Variants in CHRNA4 observed in about 807,000 individuals in gnomAD.
CHRNA4 encodes neuronal acetylcholine receptor subunit alpha-4.
Under a neutral mutation model 48.9 loss-of-function variants are expected in CHRNA4, and 28 were observed. That is an observed-to-expected ratio of 0.57 (90% CI 0.42 to 0.79). The LOEUF (loss-of-function observed/expected upper bound fraction) is 0.79, where lower values mean the gene tolerates loss of function less well. Ranked by LOEUF, CHRNA4 falls within the 30% of genes least tolerant of loss-of-function variation. The pLI, the probability that CHRNA4 is intolerant of heterozygous loss-of-function variation, is 0.00. For synonymous variants in CHRNA4, 425 were observed against 402.3 expected (o/e 1.06, Z -0.68); for missense variants, 859 against 898.4 (o/e 0.96, Z 0.56).
At position 63,349,880 on chromosome 20, in the gene CHRNA4, C is replaced by A. The variant is rs200795334; in HGVS notation, c.1531G>T (p.Ala511Ser). Residue 511 changes from alanine to serine, a missense_variant, in exon 5 of 6, where the codon GCC (alanine) becomes TCC (serine). Physicochemically the swap from Ala to Ser is moderately conservative, Grantham distance 99 (BLOSUM62 1). Coordinates refer to ENST00000370263, the MANE Select transcript of CHRNA4 (RefSeq NM_000744.7). Reference protein sequence around the residue: ...EADGQAAGALASRNTHSAELP... With the variant: ...EADGQAAGALSSRNTHSAELP... ...TCAGCCGAGTGGGTGTTGCGAGAGG[C>A]CAGGGCGCCGGCAGCCTGGCCATCT... 266 of 1,593,532 alleles carry A rather than the reference C, an allele frequency of 1.7e-4. No homozygotes were observed. Among genetic ancestry groups the A allele is most frequent in the Non-Finnish European group, 2.2e-4 (258 of 1,168,510 alleles).
chr20:63,345,099 A>T lies in CHRNA4; in HGVS notation c.*1639T>A. The T allele has an allele frequency of 2.2e-6, 1 of 453,996 alleles. No homozygotes were observed. The highest frequency in any genetic ancestry group is 4.4e-6 in the Non-Finnish European group (1 of 226,736). The allele number at this position is 453,996 out of a possible 1,614,324, so 28.1% of individuals were successfully genotyped here. A position where few individuals can be genotyped will look rare whatever the true frequency, so the allele number is the denominator to read the frequency against. ...CCCACTCACGTCACTGCCCGCGGGGACACAGCGGCATTTCTGGGGCACTCG... is the reference window on the plus strand; with the variant it reads ...CCCACTCACGTCACTGCCCGCGGGGTCACAGCGGCATTTCTGGGGCACTCG... On this transcript the variant is annotated 3_prime_UTR_variant, in exon 6 of 6. Transcript: ENST00000370263. This position sits in a 1 kb window ranked among gnomAD's most constrained non-coding sequence, Gnocchi z 5.4.
chr20:63,349,616 G>T lies in CHRNA4; in HGVS notation c.1758+37C>A. ...AAGGGCGTCCGCCGGTTCCGTCTGG[G>T]TCAGAGGCGCCCAACACAGCCATGG... On this transcript the variant is annotated intron_variant, in intron 5 of 5. Coordinates refer to ENST00000370263, the MANE Select transcript of CHRNA4 (RefSeq NM_000744.7). The T allele has an allele frequency of 6.2e-6, 10 of 1,611,478 alleles. No homozygotes were observed. In the South Asian group the frequency reaches 1.1e-4, roughly 18 times the overall value.
Position 63,350,967 on chromosome 20 carries a change from C to T in CHRNA4, c.444G>A (p.Arg148=), listed in dbSNP as rs746049095. Residue 148 remains arginine (R), a synonymous_variant, in exon 5 of 6, where the codon CGG becomes CGA. Transcript: ENST00000370263. Reference sequence around the variant, plus strand: ...AAATGGCCGGGGGAGTCCACTGCACCCGCCCGTCATGGAACAGGTGGGCCT... The same window carrying T: ...AAATGGCCGGGGGAGTCCACTGCACTCGCCCGTCATGGAACAGGTGGGCCT... ...LTKAHLFHDG[R]VQWTPPAIYK... is the part of the protein sequence containing the mutation. 6.2e-7 allele frequency: 1 copy of T among 1,613,768 alleles called. No individual in the cohort carries two copies. Among genetic ancestry groups the T allele is most frequent in the South Asian group, 1.1e-5 (1 of 91,086 alleles).
At chr20:63,352,220 T>C (rs892743652) in intron 4 of CHRNA4, among the ~76,000 whole-genome samples, 1 of 152,196 alleles carries the variant, frequency 6.6e-6, no homozygotes, top group Non-Finnish European at 1.5e-5. Flanking sequence ...TGGGCAGAGC[T>C]GGCGACTGTT....
At position 63,359,936 on chromosome 20, in the gene CHRNA4, G is replaced by A. The variant is rs551702241; in HGVS notation, c.77-237C>T. 99 of 410,800 alleles carry A rather than the reference G, an allele frequency of 2.4e-4. No homozygotes were observed. The African/African-American group carries it at 2.5e-3, about 10-fold the overall frequency. The allele number at this position is 410,800 out of a possible 1,614,324, so 25.4% of individuals were successfully genotyped here. A position where few individuals can be genotyped will look rare whatever the true frequency, so the allele number is the denominator to read the frequency against. On this transcript the variant is annotated intron_variant, in intron 1 of 5. Coordinates refer to ENST00000370263, the MANE Select transcript of CHRNA4 (RefSeq NM_000744.7). The stretch of plus-strand genomic sequence containing the variant: ...GTGTGTGTGTGTGTGTGTGCCGGGC[G>A]TGGCGTGCGCTGACCTCTCTTGGCC...
Position 63,344,137 on chromosome 20 carries a change from G to A in CHRNA4, c.*2601C>T. 2.2e-6 allele frequency: 1 copy of A among 454,140 alleles called. No homozygotes were observed. Among genetic ancestry groups the A allele is most frequent in the Non-Finnish European group, 4.4e-6 (1 of 226,798 alleles). 28.1% of individuals were successfully genotyped at this position (454,140 alleles called of 1,614,324 possible). A position where few individuals can be genotyped will look rare whatever the true frequency, so the allele number is the denominator to read the frequency against. On this transcript the variant is annotated 3_prime_UTR_variant, in exon 6 of 6. Coordinates refer to ENST00000370263, the MANE Select transcript of CHRNA4 (RefSeq NM_000744.7). The surrounding 1 kb of genome is among the most constrained non-coding windows in gnomAD (Gnocchi z 4.5). ...GCTCACAATTAAAAACGAAGGAACAGACAGCAAGGAGCTACGGACACACAC... is the reference window on the plus strand; with the variant it reads ...GCTCACAATTAAAAACGAAGGAACAAACAGCAAGGAGCTACGGACACACAC...
At chr20:63,347,349 G>A (rs746445166) in intron 5 of CHRNA4, among the ~76,000 whole-genome samples, 77 of 152,328 alleles carry the variant, frequency 5.1e-4, no homozygotes, top group Non-Finnish European at 9.9e-4. Flanking sequence ...CAGCACACAT[G>A]GAGCCCGCAG....
intron 5 of CHRNA4, among the ~76,000 whole-genome samples, chr20:63,349,303 G>A (rs1417212403): frequency 1.3e-5 from 2 of 152,218 alleles, no homozygotes; most frequent in Non-Finnish European, 2.9e-5. Flanking sequence ...TGGGGACTTG[G>A]CCATTGCTGG....
chr20:63,356,291 G>C, intron 3 of CHRNA4, 80 bp downstream of exon 3: 3 of 1,298,564 alleles, frequency 2.3e-6, no homozygotes, highest in Non-Finnish European at 3.2e-6. Context: ...GGCCAGGGTG[G>C]GGCAGGGCCA....
intron 4 of CHRNA4, among the ~76,000 whole-genome samples, chr20:63,351,661 G>C (rs1417297123): frequency 6.6e-6 from 1 of 152,242 alleles, no homozygotes; most frequent in African/African-American, 2.4e-5. Flanking sequence ...GCAAGGACAG[G>C]TGTTCTGGCC....
intron 5 of CHRNA4, 43 bp downstream of exon 5, chr20:63,349,610 G>A (rs777701190): frequency 3.0e-5 from 48 of 1,610,246 alleles, no homozygotes; most frequent in African/African-American, 5.3e-5. Context: ...CGCCGGTTCC[G>A]TCTGGGTCAG....
chr20:63,359,688 C>T lies in CHRNA4; in HGVS notation c.88G>A (p.Val30Met), dbSNP rs746557446. The T allele has an allele frequency of 4.3e-6, 7 of 1,611,082 alleles. No homozygotes were observed. The African/African-American group carries it at 6.7e-5, about 15-fold the overall frequency. Residue 30 changes from valine (V) to methionine (M), a missense_variant, in exon 2 of 6, where the codon GTG becomes ATG. Physicochemically the swap from Val to Met is conservative, Grantham distance 21 (BLOSUM62 1). Coordinates refer to ENST00000370263, the MANE Select transcript of CHRNA4 (RefSeq NM_000744.7). Reference protein sequence around the residue: ...GTGLLRASSHVETRAHAEERL... With the variant: ...GTGLLRASSHMETRAHAEERL... ...TCCTCGGCGTGGGCCCGGGTCTCCA[C>T]ATGGCTGCTGGCTGCGGGGAGAGGC... is the stretch of plus-strand genomic sequence containing the variant.
At position 63,346,019 on chromosome 20, in the gene CHRNA4, A is replaced by G. The variant is rs2068487607; in HGVS notation, c.*719T>C. ...GGCTGGGTGTTCCTGTCCCCCGCGG[A>G]GGGCCTGCGCAGGGGAGAGCTGGTC... On this transcript the variant is annotated 3_prime_UTR_variant, in exon 6 of 6. Coordinates refer to ENST00000370263, the MANE Select transcript of CHRNA4 (RefSeq NM_000744.7). The G allele has an allele frequency of 2.2e-6, 1 of 453,824 alleles. No individual in the cohort carries two copies. Among genetic ancestry groups the G allele is most frequent in the Admixed American group, 2.4e-5 (1 of 42,552 alleles). 28.1% of individuals were successfully genotyped at this position (453,824 alleles called of 1,614,324 possible). A position where few individuals can be genotyped will look rare whatever the true frequency, so the allele number is the denominator to read the frequency against.
chr20:63,359,905 G>GTGTGTGTGTGTGTGCCGGGCGTGCGC lies in CHRNA4; in HGVS notation c.77-207_77-206insGCGCACGCCCGGCACACACACACACA, dbSNP rs1568820146. On this transcript the variant is annotated intron_variant, in intron 1 of 5. Coordinates refer to ENST00000370263, the MANE Select transcript of CHRNA4 (RefSeq NM_000744.7). ...TGTGTGCCGGGCGTGTGCTGTGTGT[G>GTGTGTGTGTGTGTGCCGGGCGTGCGC]TGTGTGTGTGTGTGTGTGTGTGTGC... 287 of 341,316 alleles carry GTGTGTGTGTGTGTGCCGGGCGTGCGC rather than the reference G, an allele frequency of 8.4e-4. 2 individuals carry two copies. Among genetic ancestry groups the GTGTGTGTGTGTGTGCCGGGCGTGCGC allele is most frequent in the African/African-American group, 8.4e-3 (258 of 30,754 alleles). 21.1% of individuals were successfully genotyped at this position (341,316 alleles called of 1,614,324 possible). A position where few individuals can be genotyped will look rare whatever the true frequency, so the allele number is the denominator to read the frequency against.
intron 1 of CHRNA4, chr20:63,359,903 G>GTGTGTGGGTGCCGGGCGTGCGC: frequency 2.3e-6 from 1 of 442,924 alleles, no homozygotes. Context: ...TGTGCTGTGT[G>GTGTGTGGGTGCCGGGCGTGCGC]TGTGTGTGTG....
Position 63,344,311 on chromosome 20 carries a change from C to A in CHRNA4, c.*2427G>T, listed in dbSNP as rs989987538. Reference sequence around the variant, plus strand: ...AGCCACAGATGGGGAGGGACGCCGACAGGAAGGGCTGGAGGGACCTTCTAG... The same window carrying A: ...AGCCACAGATGGGGAGGGACGCCGAAAGGAAGGGCTGGAGGGACCTTCTAG... On this transcript the variant is annotated 3_prime_UTR_variant, in exon 6 of 6. Coordinates refer to ENST00000370263, the MANE Select transcript of CHRNA4 (RefSeq NM_000744.7). This position sits in a 1 kb window ranked among gnomAD's most constrained non-coding sequence, Gnocchi z 4.5. The A allele has an allele frequency of 3.5e-5, 16 of 453,914 alleles. No individual in the cohort carries two copies. Among genetic ancestry groups the A allele is most frequent in the Admixed American group, 3.3e-4 (14 of 42,554 alleles). The allele number at this position is 453,914 out of a possible 1,614,324, so 28.1% of individuals were successfully genotyped here.
chr20:63,349,251 C>T (rs904903281), intron 5 of CHRNA4, among the ~76,000 whole-genome samples: 1 of 152,218 alleles, frequency 6.6e-6, no homozygotes, highest in Non-Finnish European at 1.5e-5. Context: ...CAGGCACAGG[C>T]GCACTCTGGA....
Position 63,350,654 on chromosome 20 carries a change from G to C in CHRNA4, c.757C>G (p.Pro253Ala). 1 of 1,614,044 alleles carries C rather than the reference G, an allele frequency of 6.2e-7. No homozygotes were observed. The highest frequency in any genetic ancestry group is 8.5e-7 in the Non-Finnish European group (1 of 1,180,004). Residue 253 changes from proline (P) to alanine (A), a missense_variant, in exon 5 of 6, where the codon CCC (proline) becomes GCC (alanine). Physicochemically the swap from Pro to Ala is conservative, Grantham distance 27. This residue lies in a region of CHRNA4 where 342 missense variants were observed against 365.3 expected (regional missense o/e 0.94). Coordinates refer to ENST00000370263, the MANE Select transcript of CHRNA4 (RefSeq NM_000744.7). ...PLFYTINLII[P>A]CLLISCLTVL... The stretch of plus-strand genomic sequence containing the variant: ...GTGAGGCAGGAGATGAGCAGGCAGG[G>C]GATGATGAGGTTGATGGTGTAGAAG...
intron 4 of CHRNA4, chr20:63,354,538 G>A: frequency 4.2e-6 from 4 of 957,670 alleles, no homozygotes; most frequent in South Asian, 4.9e-5. Context: ...TGAACCTGGT[G>A]GGGGCTGCAG....
Sources: gnomAD v4.1 joint callset for allele counts (sites outside exome capture counted in the v4.1 genomes callset) on GRCh38, gnomAD v4.1.1 for gene constraint, gnomAD v4.1.1 regional missense constraint, Gnocchi (gnomAD v3.1) non-coding constraint, MANE v1.5 for transcripts, NCBI Gene and HGNC (gene_info 2026-07-23, HGNC 2026-07-21) for gene names.